The following ARMC1 variants were observed in gnomAD, a reference collection of about 807,000 sequenced individuals.
The protein encoded by ARMC1 is armadillo repeat containing 1.
In ARMC1, 16 loss-of-function variants were observed where a neutral mutation model predicts 31.4. That is an observed-to-expected ratio of 0.51 (90% CI 0.34 to 0.77). ARMC1 has a LOEUF of 0.77. Ranked by LOEUF, ARMC1 falls within the 30% of genes least tolerant of loss-of-function variation. The pLI is 0.01. For missense variants in ARMC1, 259 were observed against 347.5 expected (o/e 0.75, Z 2.02); for synonymous variants, 114 against 118.9 (o/e 0.96, Z 0.27).
At chr8:65,624,807 A>G (rs1017157908) in intron 2 of ARMC1, among the ~76,000 whole-genome samples, 1 of 152,170 alleles carries the variant, frequency 6.6e-6, no homozygotes, top group African/African-American at 2.4e-5. Flanking sequence ...ACAGTGACGA[A>G]AAAAGGAAAT....
chr8:65,625,721 C>G (rs1455612688), intron 2 of ARMC1, among the ~76,000 whole-genome samples: 1 of 152,010 alleles, frequency 6.6e-6, no homozygotes, highest in African/African-American at 2.4e-5. Context: ...TCTTTTTTGA[C>G]TGCTAAACTT....
At chr8:65,610,349 G>A (rs575004814) in intron 4 of ARMC1, among the ~76,000 whole-genome samples, 75 of 151,896 alleles carry the variant, frequency 4.9e-4, no homozygotes, top group African/African-American at 1.7e-3. Context: ...CACCTGCCTC[G>A]GCCTCCCAAA....
intron 3 of ARMC1, among the ~76,000 whole-genome samples, chr8:65,621,719 C>G (rs7007505): frequency 0.64 from 96,685 of 152,038 alleles, 30,972 homozygotes; most frequent in African/African-American, 0.69. Context: ...ACGTTGGCCA[C>G]GCTGGTCTTG....
intron 2 of ARMC1, among the ~76,000 whole-genome samples, chr8:65,625,922 C>T: frequency 6.9e-6 from 1 of 144,162 alleles, no homozygotes; most frequent in African/African-American, 2.6e-5. Context: ...GAGTTTCACT[C>T]TTGTTGCCCA....
intron 1 of ARMC1, among the ~76,000 whole-genome samples, chr8:65,628,448 T>C (rs547789959): frequency 7.0e-6 from 1 of 142,614 alleles, no homozygotes; most frequent in Non-Finnish European, 1.5e-5. Flanking sequence ...GGTTTCACCA[T>C]GTTGGTCAGG....
intron 1 of ARMC1, among the ~76,000 whole-genome samples, chr8:65,629,051 G>A (rs1405780392): frequency 6.6e-6 from 1 of 151,806 alleles, no homozygotes; most frequent in Non-Finnish European, 1.5e-5. Context: ...CTACTCAGGA[G>A]GCTGAGGCAG....
intron 4 of ARMC1, among the ~76,000 whole-genome samples, chr8:65,611,060 T>A (rs1341701073): frequency 6.6e-6 from 1 of 151,746 alleles, no homozygotes; most frequent in Non-Finnish European, 1.5e-5. Flanking sequence ...CAGCCTCCCA[T>A]GTAGCTGGGA....
At chr8:65,619,233 A>G (rs2129042789) in intron 3 of ARMC1, among the ~76,000 whole-genome samples, 1 of 152,264 alleles carries the variant, frequency 6.6e-6, no homozygotes, top group African/African-American at 2.4e-5. Flanking sequence ...GAGGCAGTTA[A>G]GCAAAGAAAT....
intron 3 of ARMC1, among the ~76,000 whole-genome samples, chr8:65,620,163 G>A (rs926670484): frequency 6.6e-6 from 1 of 151,374 alleles, no homozygotes; most frequent in African/African-American, 2.4e-5. Context: ...AAATTTTAGA[G>A]CAGCACTCTA....
At chr8:65,622,124 T>C in intron 3 of ARMC1, 139 bp downstream of exon 3, 2 of 641,552 alleles carry the variant, frequency 3.1e-6, no homozygotes, top group Middle Eastern at 3.8e-4. Context: ...ATAGTAGTAA[T>C]CATGCCTATA....
intron 3 of ARMC1, among the ~76,000 whole-genome samples, chr8:65,620,209 C>T (rs1808362830): frequency 6.6e-6 from 1 of 150,986 alleles, no homozygotes; most frequent in African/African-American, 2.4e-5. Flanking sequence ...AATAGTGTCA[C>T]TAGCCACATG....
At chr8:65,614,463 G>GT (rs1808209180) in intron 3 of ARMC1, among the ~76,000 whole-genome samples, 1 of 152,226 alleles carries the variant, frequency 6.6e-6, no homozygotes, top group South Asian at 2.1e-4. Context: ...GCCAAACAGA[G>GT]TGAGTGGCTA....
chr8:65,623,911 C>T (rs1195712469), intron 2 of ARMC1, among the ~76,000 whole-genome samples: 1 of 142,150 alleles, frequency 7.0e-6, no homozygotes, highest in Non-Finnish European at 1.5e-5. Flanking sequence ...GATTCTCTTG[C>T]CTCAGCCTCC....
At chr8:65,629,328 A>G (rs7814841) in intron 1 of ARMC1, among the ~76,000 whole-genome samples, 96,631 of 152,004 alleles carry the variant, frequency 0.64, 30,946 homozygotes, top group African/African-American at 0.69. Flanking sequence ...AATGCTGCAT[A>G]TTGTTGCTTA....
chr8:65,607,198 T>G (rs1170397233), intron 4 of ARMC1, among the ~76,000 whole-genome samples: 1 of 152,260 alleles, frequency 6.6e-6, no homozygotes, highest in Non-Finnish European at 1.5e-5. Context: ...TGGGCTCATC[T>G]AGTGCACTGT....
In ARMC1 at chr8:65,626,132, C is replaced by T. The variant is rs372634619; in HGVS notation, c.183+1084G>A. Among the ~76,000 whole-genome samples, 4 of 152,192 alleles carry T rather than the reference C, an allele frequency of 2.6e-5. No individual in the cohort carries two copies. The East Asian group carries it at 5.8e-4, about 22-fold the overall frequency. On this transcript the variant is annotated intron_variant, in intron 2 of 6. Coordinates refer to ENST00000276569, the MANE Select transcript of ARMC1 (RefSeq NM_018120.6). ...TGTCAAACTCCTGACCTCAGGTGAT[C>T]CACCCACCTCGGCCTCCCAAAGTGC...
intron 3 of ARMC1, among the ~76,000 whole-genome samples, chr8:65,621,619 C>T (rs544015641): frequency 8.5e-5 from 13 of 152,256 alleles, no homozygotes; most frequent in South Asian, 8.3e-4. Flanking sequence ...AGTGATTCTC[C>T]TGCCTCAGCC....
rs377284702 is a variant in ARMC1, at chr8:65,627,375, C to A, written c.24G>T (p.Met8Ile). 22 of 1,589,846 alleles carry A rather than the reference C, an allele frequency of 1.4e-5. No homozygotes were observed. Among genetic ancestry groups the A allele is most frequent in the Non-Finnish European group, 1.7e-6 (2 of 1,167,272 alleles). ...CCGATAGAGCGTCAGGCTCTTCACTCATGGTGGAAGTGGAAGAATTCATCT... is the reference window on the plus strand; with the variant it reads ...CCGATAGAGCGTCAGGCTCTTCACTAATGGTGGAAGTGGAAGAATTCATCT... The part of the protein sequence containing the change: MNSSTST[M>I]SEEPDALSVV... The change falls in exon 2 of 7, where the codon ATG (methionine) becomes ATT (isoleucine). Residue 8 changes from methionine (M) to isoleucine (I), a missense_variant. Met to Ile is a conservative substitution (Grantham distance 10, BLOSUM62 1). This residue lies in a region of ARMC1 where 163 missense variants were observed against 186.7 expected (regional missense o/e 0.87). Transcript: ENST00000276569.
chr8:65,627,611 G>GA (rs1328633215), intron 1 of ARMC1, among the ~76,000 whole-genome samples, 178 bp from the exon 2 acceptor site: 1 of 152,084 alleles, frequency 6.6e-6, no homozygotes, highest in Non-Finnish European at 1.5e-5. Context: ...TAAGACGACT[G>GA]AAAAAATTTG....
Sources: allele counts gnomAD v4.1 joint callset (sites outside exome capture counted in the v4.1 genomes callset), GRCh38; gene constraint gnomAD v4.1.1; regional missense constraint gnomAD v4.1.1; transcripts MANE v1.5; gene names NCBI Gene and HGNC (gene_info 2026-07-23, HGNC 2026-07-21).